Variants in NFATC3 observed in about 807,000 individuals in gnomAD.
The protein encoded by NFATC3 is nuclear factor of activated T-cells, cytoplasmic 3.
Under a neutral mutation model 98.6 loss-of-function variants are expected in NFATC3, and 46 were observed. The observed-to-expected ratio is 0.47, with a 90% CI of 0.37 to 0.60. The LOEUF is 0.60. Ranked by LOEUF, NFATC3 falls within the 20% of genes least tolerant of loss-of-function variation. The probability of loss-of-function intolerance (pLI) is 0.00; values close to 1 mark genes in which losing one functional copy is unlikely to be tolerated. For missense variants in NFATC3, 1,256 were observed against 1,295.5 expected (o/e 0.97, Z 0.47); for synonymous variants, 512 against 472.2 (o/e 1.08, Z -1.09).
intron 9 of NFATC3, among the ~76,000 whole-genome samples, chr16:68,207,009 A>G (rs2041174128): frequency 6.6e-6 from 1 of 151,032 alleles, no homozygotes; most frequent in Admixed American, 6.6e-5. Context: ...ACATATTAAA[A>G]AAAAAAAAAA....
chr16:68,192,295 G>GTGTGTATATATATATATGTA (rs2040473690), intron 9 of NFATC3: 1 of 132,544 alleles, frequency 7.5e-6, no homozygotes, highest in Non-Finnish European at 1.6e-5. Flanking sequence ...ATATATGTAT[G>GTGTGTATATATATATATGTA]TGTGTATATA....
At chr16:68,109,045 C>T (rs2035810802) in intron 1 of NFATC3, among the ~76,000 whole-genome samples, 3 of 152,188 alleles carry the variant, frequency 2.0e-5, no homozygotes, top group Admixed American at 6.5e-5. Flanking sequence ...CCCTCTCTTC[C>T]TATGCGAATA....
Position 68,126,821 on chromosome 16 carries a change from T to C in NFATC3, c.1401+211T>C, listed in dbSNP as rs191465855. Among the ~76,000 whole-genome samples the C allele has an allele frequency of 1.8e-3, 274 of 152,308 alleles. 1 individual carries two copies. Among genetic ancestry groups the C allele is most frequent in the East Asian group, 1.9e-3 (10 of 5,190 alleles). The stretch of plus-strand genomic sequence containing the variant: ...GTTCTTTCTGGACTGACTTTCCTTC[T>C]GGGGAGACTCTGGAGAAAGATTACA... On this transcript the variant is annotated intron_variant, in intron 3 of 9. Transcript: ENST00000346183.
chr16:68,218,107 T>C (rs1214520813), intron 9 of NFATC3: 2 of 859,812 alleles, frequency 2.3e-6, no homozygotes, highest in Non-Finnish European at 2.8e-6. Context: ...TTGCCTAGGC[T>C]GGAGTGCAGT....
At chr16:68,199,537 TAAAA>T (rs779667582) in intron 9 of NFATC3, among the ~76,000 whole-genome samples, 1 of 126,824 alleles carries the variant, frequency 7.9e-6, no homozygotes, top group African/African-American at 2.9e-5. Context: ...AGACCCTGTT[TAAAA>T]AAAAAAAAAA....
At chr16:68,140,021 G>A (rs993994882) in intron 3 of NFATC3, among the ~76,000 whole-genome samples, 2 of 152,126 alleles carry the variant, frequency 1.3e-5, no homozygotes, top group African/African-American at 2.4e-5. Flanking sequence ...TTTTGAGACA[G>A]AGTCTCATTC....
chr16:68,165,868 T>G (rs1216956905), intron 4 of NFATC3, among the ~76,000 whole-genome samples: 3 of 152,252 alleles, frequency 2.0e-5, no homozygotes, highest in African/African-American at 7.2e-5. Context: ...TAATTAGTTA[T>G]CCATTTGCTT....
intron 1 of NFATC3, among the ~76,000 whole-genome samples, chr16:68,115,582 GC>G (rs1250386182): frequency 1.3e-5 from 2 of 151,672 alleles, no homozygotes; most frequent in Non-Finnish European, 2.9e-5. Context: ...GCGGCACCAT[GC>G]CCAGCTAATT....
chr16:68,210,505 T>G (rs1391045286), intron 9 of NFATC3, among the ~76,000 whole-genome samples: 1 of 152,032 alleles, frequency 6.6e-6, no homozygotes, highest in Non-Finnish European at 1.5e-5. Context: ...AACACTTTTC[T>G]GCATCTATCG....
intron 7 of NFATC3, 39 bp from the exon 8 acceptor site, chr16:68,183,201 T>C: frequency 1.3e-6 from 2 of 1,538,368 alleles, no homozygotes; most frequent in African/African-American, 1.4e-5. Context: ...ATTTCATTTT[T>C]AGTTCTGAGT....
intron 1 of NFATC3, among the ~76,000 whole-genome samples, chr16:68,087,841 T>C (rs1358488961): frequency 6.6e-6 from 1 of 152,210 alleles, no homozygotes; most frequent in Non-Finnish European, 1.5e-5. Context: ...TTCCTTTCTA[T>C]GGCTGAATAA....
At chr16:68,101,537 G>A (rs2035359107) in intron 1 of NFATC3, among the ~76,000 whole-genome samples, 1 of 150,896 alleles carries the variant, frequency 6.6e-6, no homozygotes, top group Non-Finnish European at 1.5e-5. Context: ...AGGCTGGAGT[G>A]CAGTGGCGCG....
intron 1 of NFATC3, among the ~76,000 whole-genome samples, chr16:68,119,819 A>G (rs984488177): frequency 1.3e-5 from 2 of 152,198 alleles, no homozygotes; most frequent in Admixed American, 1.3e-4. Flanking sequence ...TTTGTTTACC[A>G]TGGTGTTTTT....
At chr16:68,182,300 TTGGTCTTGTTA>T (rs1457151671) in intron 7 of NFATC3, among the ~76,000 whole-genome samples, 2 of 152,162 alleles carry the variant, frequency 1.3e-5, no homozygotes, top group Admixed American at 1.3e-4. Flanking sequence ...ATTGAAAGTT[TTGGTCTTGTTA>T]TGGTGGTTGG....
chr16:68,155,095 A>G (rs770110700), intron 3 of NFATC3, among the ~76,000 whole-genome samples: 19 of 152,228 alleles, frequency 1.2e-4, no homozygotes, highest in Non-Finnish European at 2.5e-4. Flanking sequence ...ATAATAGGCA[A>G]AAGTCTTAAT....
At chr16:68,174,212 A>G (rs996831476) in intron 5 of NFATC3, among the ~76,000 whole-genome samples, 162 bp from the exon 6 acceptor site, 18 of 152,194 alleles carry the variant, frequency 1.2e-4, no homozygotes, top group Admixed American at 3.9e-4. Context: ...TAGTTCTTTT[A>G]GTGTGTTTTG....
At chr16:68,097,971 G>A (rs1056781654) in intron 1 of NFATC3, among the ~76,000 whole-genome samples, 1 of 151,964 alleles carries the variant, frequency 6.6e-6, no homozygotes, top group African/African-American at 2.4e-5. Flanking sequence ...TTTTGCGGGG[G>A]TTGGGTGCTG....
intron 6 of NFATC3, among the ~76,000 whole-genome samples, chr16:68,178,192 C>T (rs993277792): frequency 9.9e-5 from 15 of 152,066 alleles, no homozygotes; most frequent in South Asian, 4.2e-4. Context: ...TTTAAAATAC[C>T]CACTGGATAT....
intron 3 of NFATC3, among the ~76,000 whole-genome samples, chr16:68,133,318 A>T (rs911162875): frequency 6.6e-6 from 1 of 152,226 alleles, no homozygotes; most frequent in African/African-American, 2.4e-5. Context: ...GAATGTTAAC[A>T]TAAATGATAA....
Sources: gnomAD v4.1 joint callset for allele counts (sites outside exome capture counted in the v4.1 genomes callset) on GRCh38, gnomAD v4.1.1 for gene constraint, MANE v1.5 for transcripts, NCBI Gene and HGNC (gene_info 2026-07-23, HGNC 2026-07-21) for gene names.